CSMD1: variants seen among roughly 807,000 people sequenced by gnomAD.
CSMD1 encodes CUB and sushi domain-containing protein 1.
A neutral mutation model predicts 417.5 loss-of-function variants in CSMD1; 213 were observed. That is an observed-to-expected ratio of 0.51 (90% CI 0.46 to 0.57). CSMD1 has a LOEUF of 0.57. CSMD1 is among the 20% of genes least tolerant of loss of function. The pLI is 0.00. For missense variants in CSMD1, 6,923 were observed against 4,529.7 expected, an observed-to-expected ratio of 1.53 and a Z score of -15.17; for synonymous variants, 2,862 against 1,736.8, an observed-to-expected ratio of 1.65 and a Z score of -16.11.
At position 4,493,150 on chromosome 8, in the gene CSMD1, T is replaced by C. The variant is rs557747895; in HGVS notation, c.303-73085A>G. Among the ~76,000 whole-genome samples, 7 of 152,318 alleles carry C rather than the reference T, an allele frequency of 4.6e-5. No homozygotes were observed. The South Asian group carries it at 1.2e-3, about 27-fold the overall frequency. On this transcript the variant is annotated intron_variant, in intron 2 of 69. Transcript: ENST00000635120. Reference sequence around the variant, plus strand: ...GTACCGTAAGAAGACTAGATTTTTTTTTAAAGGCAGCAATAGTATTCTTCA... The same window carrying C: ...GTACCGTAAGAAGACTAGATTTTTTCTTAAAGGCAGCAATAGTATTCTTCA...
At chr8:4,089,692 GC>G (rs1428526527) in intron 3 of CSMD1, among the ~76,000 whole-genome samples, 1 of 152,130 alleles carries the variant, frequency 6.6e-6, no homozygotes, top group African/African-American at 2.4e-5. Flanking sequence ...TATAGAATGT[GC>G]CCAACACAGA....
chr8:4,454,394 C>T (rs1446968974), intron 2 of CSMD1, among the ~76,000 whole-genome samples: 8 of 152,180 alleles, frequency 5.3e-5, no homozygotes, highest in Non-Finnish European at 8.8e-5. Context: ...AAATTTGGCT[C>T]TGGTATACCT....
chr8:4,157,545 A>G (rs1475651117), intron 3 of CSMD1, among the ~76,000 whole-genome samples: 3 of 152,068 alleles, frequency 2.0e-5, no homozygotes, highest in Non-Finnish European at 2.9e-5. Flanking sequence ...CCTCTAGTCA[A>G]TGACTGTGTT....
chr8:3,292,545 C>T (rs962633183), intron 25 of CSMD1, among the ~76,000 whole-genome samples: 14 of 152,188 alleles, frequency 9.2e-5, no homozygotes, highest in African/African-American at 3.4e-4. Context: ...GGAGAGCTAG[C>T]TTTTCTTGTT....
intron 2 of CSMD1, among the ~76,000 whole-genome samples, chr8:4,600,818 C>G (rs902777375): frequency 6.6e-6 from 1 of 152,128 alleles, no homozygotes; most frequent in Non-Finnish European, 1.5e-5. Flanking sequence ...TCAATCTTGA[C>G]AAACTTACAT....
At chr8:3,477,645 G>C (rs1222625141) in intron 11 of CSMD1, among the ~76,000 whole-genome samples, 1 of 152,194 alleles carries the variant, frequency 6.6e-6, no homozygotes, top group African/African-American at 2.4e-5. Context: ...CTGCAAAGCA[G>C]CCAGGGGCAG....
intron 59 of CSMD1, among the ~76,000 whole-genome samples, chr8:2,964,051 C>T (rs559512632): frequency 6.6e-6 from 1 of 152,178 alleles, no homozygotes; most frequent in Admixed American, 6.5e-5. Context: ...AGAAATTATA[C>T]TAAAATGCAC....
intron 7 of CSMD1, among the ~76,000 whole-genome samples, chr8:3,701,415 C>T (rs902425860): frequency 1.3e-5 from 2 of 152,016 alleles, no homozygotes; most frequent in Non-Finnish European, 2.9e-5. Flanking sequence ...AAAGTCTGTC[C>T]CCGGGCTGAA....
chr8:4,432,401 A>T (rs1797920996), intron 2 of CSMD1, among the ~76,000 whole-genome samples: 3 of 152,150 alleles, frequency 2.0e-5, no homozygotes, highest in Admixed American at 2.0e-4. Context: ...GGCAGGTTTC[A>T]TGTTATGTTG....
chr8:3,024,126 T>C (rs767010774), intron 51 of CSMD1, among the ~76,000 whole-genome samples: 41 of 147,198 alleles, frequency 2.8e-4, no homozygotes, highest in Non-Finnish European at 5.3e-4. Context: ...CCAGGATTCA[T>C]GGTGTGGTGT....
intron 18 of CSMD1, chr8:3,375,029 G>C (rs988729926): frequency 6.6e-6 from 1 of 152,178 alleles, no homozygotes; most frequent in Admixed American, 6.5e-5. Context: ...GGAAAAAGAG[G>C]AGCTGGTGAT....
rs147607600 is a variant in CSMD1, at chr8:3,800,398, C to T, written c.819-46356G>A. On this transcript the variant is annotated intron_variant, in intron 5 of 69. Transcript: ENST00000635120. Reference sequence around the variant, plus strand: ...ATGAGCTTACACAATGAATTTAATGCAATTATTGACACCTGTGAAGTGCTT... The same window carrying T: ...ATGAGCTTACACAATGAATTTAATGTAATTATTGACACCTGTGAAGTGCTT... 3.3e-3 allele frequency among the ~76,000 whole-genome samples: 500 copies of T among 152,186 alleles called. 1 individual carries two copies. The highest frequency in any genetic ancestry group is 0.011 in the African/African-American group (436 of 41,520).
rs556828829 is a variant in CSMD1 at position 3,948,631 on chromosome 8, C to A, written c.818+49272G>T. Among the ~76,000 whole-genome samples, 10 of 152,282 alleles carry A rather than the reference C, an allele frequency of 6.6e-5. 1 individual carries two copies. The South Asian group carries it at 1.2e-3, about 19-fold the overall frequency. On this transcript the variant is annotated intron_variant, in intron 5 of 69. Transcript: ENST00000635120. ...ATCAATTCCACATACTTACTGCTTT[C>A]CATTATCTAAAAGTACAACTTTCCT... is the stretch of plus-strand genomic sequence containing the variant.
At chr8:3,527,857 A>G (rs183833691) in intron 10 of CSMD1, among the ~76,000 whole-genome samples, 2 of 152,208 alleles carry the variant, frequency 1.3e-5, no homozygotes, top group Non-Finnish European at 2.9e-5. Context: ...AGAGAGATAC[A>G]TTTAGAAACA....
At chr8:4,203,843 T>C (rs1047957468) in intron 3 of CSMD1, among the ~76,000 whole-genome samples, 2 of 152,164 alleles carry the variant, frequency 1.3e-5, no homozygotes, top group South Asian at 2.1e-4. Context: ...CTCATACCTG[T>C]AATCCCAGCA....
chr8:4,045,068 G>C (rs888900240), intron 3 of CSMD1, among the ~76,000 whole-genome samples: 101 of 152,324 alleles, frequency 6.6e-4, no homozygotes, highest in African/African-American at 1.2e-3. Context: ...TTGTGCCTGA[G>C]GTATGGTGTG....
intron 1 of CSMD1, among the ~76,000 whole-genome samples, chr8:4,645,723 G>A (rs922818883): frequency 6.6e-6 from 1 of 152,010 alleles, no homozygotes; most frequent in Non-Finnish European, 1.5e-5. Context: ...TTAGCTAGAG[G>A]GCCTCCTAAT....
At chr8:3,758,482 G>C (rs929421082) in intron 5 of CSMD1, among the ~76,000 whole-genome samples, 3 of 152,178 alleles carry the variant, frequency 2.0e-5, no homozygotes, top group East Asian at 1.9e-4. Flanking sequence ...CCTTAGAACT[G>C]TGTTGTTATT....
At chr8:3,688,782 T>C (rs140878121) in intron 7 of CSMD1, among the ~76,000 whole-genome samples, 1 of 152,232 alleles carries the variant, frequency 6.6e-6, no homozygotes, top group African/African-American at 2.4e-5. Context: ...TCTGACATGC[T>C]AGAGTATACT....
Sources: gnomAD v4.1 joint callset for allele counts (sites outside exome capture counted in the v4.1 genomes callset) on GRCh38, gnomAD v4.1.1 for gene constraint, MANE v1.5 for transcripts, NCBI Gene and HGNC (gene_info 2026-07-23, HGNC 2026-07-21) for gene names.